Variants in RAPGEF4 observed in about 807,000 individuals in gnomAD.
RAPGEF4 encodes the protein RAP guanine-nucleotide-exchange factor (GEF) 4.
A neutral mutation model predicts 147.9 loss-of-function variants in RAPGEF4; 66 were observed. The ratio of observed to expected loss-of-function variants is 0.45; its 90% CI spans 0.37 to 0.55. RAPGEF4 has a LOEUF of 0.55. RAPGEF4 is among the 20% of genes least tolerant of loss of function. The pLI is 0.00. For synonymous variants in RAPGEF4, 419 were observed against 442.7 expected, an observed-to-expected ratio of 0.95 and a Z score of 0.67; for missense variants, 1,071 against 1,257.3, an observed-to-expected ratio of 0.85 and a Z score of 2.24.
At chr2:172,997,466 G>T (rs1693482442) in intron 16 of RAPGEF4, among the ~76,000 whole-genome samples, 1 of 152,048 alleles carries the variant, frequency 6.6e-6, no homozygotes, top group Non-Finnish European at 1.5e-5. Flanking sequence ...CTTTTTGGGG[G>T]GATACAATTC....
rs761852957 is a variant in RAPGEF4, at chr2:173,001,353, T to C, written c.1658+9T>C. Reference sequence around the variant, plus strand: ...CCGGCACTGGTGGCCCAATATCCTTTTATTGTGATTGTAAGTCCCTATTCC... The same window carrying C: ...CCGGCACTGGTGGCCCAATATCCTTCTATTGTGATTGTAAGTCCCTATTCC... On this transcript the variant is annotated intron_variant, in intron 17 of 30. Coordinates refer to ENST00000397081, the MANE Select transcript of RAPGEF4 (RefSeq NM_007023.4). 2 of 1,613,804 alleles carry C rather than the reference T, an allele frequency of 1.2e-6. No homozygotes were observed. Among genetic ancestry groups the C allele is most frequent in the African/African-American group, 2.7e-5 (2 of 74,866 alleles).
At chr2:172,970,456 A>G (rs889518783) in intron 10 of RAPGEF4, among the ~76,000 whole-genome samples, 7 of 152,224 alleles carry the variant, frequency 4.6e-5, no homozygotes, top group African/African-American at 1.7e-4. Flanking sequence ...TTTTAAACTC[A>G]GCACGGCTGC....
intron 1 of RAPGEF4, among the ~76,000 whole-genome samples, chr2:172,788,383 C>T (rs1179011957): frequency 1.3e-5 from 2 of 152,090 alleles, no homozygotes; most frequent in African/African-American, 4.8e-5. Flanking sequence ...AGGAAAAGCT[C>T]CAAGAAGGGA....
intron 6 of RAPGEF4, among the ~76,000 whole-genome samples, chr2:172,950,239 C>T (rs1210090792): frequency 6.6e-6 from 1 of 152,056 alleles, no homozygotes; most frequent in Non-Finnish European, 1.5e-5. Flanking sequence ...TTGATGAGGG[C>T]GGTAGGGGAG....
chr2:173,017,921 C>T lies in RAPGEF4; in HGVS notation c.2008+417C>T, dbSNP rs142076955. Among the ~76,000 whole-genome samples, 17 of 152,296 alleles carry T rather than the reference C, an allele frequency of 1.1e-4. No homozygotes were observed. In the East Asian group the frequency reaches 3.1e-3, roughly 28 times the overall value. ...AGCCCTGAGCAGGGAGGCTTTACAT[C>T]AGGAAGATCAAGATGCTGGCTTTTG... On this transcript the variant is annotated intron_variant, in intron 21 of 30. Transcript: ENST00000397081.
chr2:172,973,193 A>G (rs530491955), intron 10 of RAPGEF4, among the ~76,000 whole-genome samples: 3 of 150,786 alleles, frequency 2.0e-5, no homozygotes, highest in East Asian at 3.9e-4. Context: ...GTTCACTGCA[A>G]TCTCCACCTC....
intron 3 of RAPGEF4, among the ~76,000 whole-genome samples, chr2:172,814,004 T>C (rs1030861815): frequency 2.0e-5 from 3 of 152,226 alleles, no homozygotes; most frequent in East Asian, 3.8e-4. Context: ...CATGAAGTTC[T>C]AAAACAGGCA....
intron 10 of RAPGEF4, among the ~76,000 whole-genome samples, chr2:172,970,626 A>G (rs978318781): frequency 2.0e-5 from 3 of 151,854 alleles, no homozygotes; most frequent in Non-Finnish European, 4.4e-5. Context: ...TGAATCTGAG[A>G]CTTGCTAGCA....
intron 4 of RAPGEF4, among the ~76,000 whole-genome samples, chr2:172,906,030 A>G (rs977756964): frequency 6.6e-6 from 1 of 152,170 alleles, no homozygotes; most frequent in South Asian, 2.1e-4. Context: ...CTTATCTACC[A>G]TGCATGGGTT....
chr2:172,972,756 G>A (rs1001851256), intron 10 of RAPGEF4, among the ~76,000 whole-genome samples: 1 of 152,142 alleles, frequency 6.6e-6, no homozygotes, highest in African/African-American at 2.4e-5. Flanking sequence ...CTCATCTACA[G>A]TTTAGAGTTT....
chr2:172,927,474 T>G (rs1685485782), intron 6 of RAPGEF4, among the ~76,000 whole-genome samples: 2 of 152,052 alleles, frequency 1.3e-5, no homozygotes, highest in Admixed American at 1.3e-4. Flanking sequence ...CATACAAACT[T>G]AAAACATTAA....
chr2:172,758,908 A>G (rs936330637), intron 1 of RAPGEF4, among the ~76,000 whole-genome samples: 1 of 152,192 alleles, frequency 6.6e-6, no homozygotes, highest in African/African-American at 2.4e-5. Context: ...ACTTAAAGCC[A>G]TGAGATGGGA....
chr2:172,966,801 C>G (rs530291934), intron 9 of RAPGEF4, among the ~76,000 whole-genome samples: 1 of 152,174 alleles, frequency 6.6e-6, no homozygotes, highest in Non-Finnish European at 1.5e-5. Context: ...GCAGACAGTA[C>G]AGTTGATAAA....
intron 1 of RAPGEF4, among the ~76,000 whole-genome samples, chr2:172,763,610 T>C (rs1451569286): frequency 6.6e-6 from 1 of 152,194 alleles, no homozygotes; most frequent in Non-Finnish European, 1.5e-5. Context: ...ATTTATTTCC[T>C]GGTTTCAAGA....
In RAPGEF4 at chr2:173,032,342, G is replaced by T. The variant is rs1028764388; in HGVS notation, c.2650-1572G>T. Among the ~76,000 whole-genome samples the T allele has an allele frequency of 3.3e-5, 5 of 152,196 alleles. No homozygotes were observed. In the South Asian group the frequency reaches 1.0e-3, roughly 32 times the overall value. ...TACCAAATGCCTCCTGGATTGGCAG[G>T]ATGGCCCTATTGAAAACACTGCTCT... On this transcript the variant is annotated intron_variant, in intron 26 of 30. Transcript: ENST00000397081.
chr2:172,947,845 A>T (rs1575338642), intron 6 of RAPGEF4, among the ~76,000 whole-genome samples: 1 of 152,292 alleles, frequency 6.6e-6, no homozygotes, highest in African/African-American at 2.4e-5. Context: ...TGTAAAAAAA[A>T]GTGCACACAT....
At chr2:172,996,442 A>G in intron 15 of RAPGEF4, 24 bp from the exon 16 acceptor site, 1 of 1,407,316 alleles carries the variant, frequency 7.1e-7, no homozygotes, top group Non-Finnish European at 9.6e-7. Context: ...TGAAAAATTA[A>G]TGGCATTTTT....
At chr2:172,863,539 G>C (rs1386606830) in intron 4 of RAPGEF4, among the ~76,000 whole-genome samples, 1 of 152,152 alleles carries the variant, frequency 6.6e-6, no homozygotes, top group Non-Finnish European at 1.5e-5. Flanking sequence ...AAGAGCACGA[G>C]GAATGGAAAT....
At chr2:173,012,606 A>G (rs1329805929) in intron 17 of RAPGEF4, among the ~76,000 whole-genome samples, 1 of 152,218 alleles carries the variant, frequency 6.6e-6, no homozygotes, top group Non-Finnish European at 1.5e-5. Flanking sequence ...ACCTTGCCTT[A>G]GCGTTATTAA....
Sources: allele counts gnomAD v4.1 joint callset (sites outside exome capture counted in the v4.1 genomes callset), GRCh38; gene constraint gnomAD v4.1.1; transcripts MANE v1.5; gene names NCBI Gene and HGNC (gene_info 2026-07-23, HGNC 2026-07-21).